Variants in BPIFC observed in about 807,000 individuals in gnomAD.
BPIFC encodes BPI fold containing family C, also known as BPI fold-containing family C protein.
In BPIFC, 60 loss-of-function variants were observed where a neutral mutation model predicts 57.6. That is an observed-to-expected ratio of 1.04 (90% CI 0.85 to 1.29). The LOEUF (loss-of-function observed/expected upper bound fraction) is 1.29, where lower values mean the gene tolerates loss of function less well. BPIFC is among the 50% of genes most tolerant of loss of function. The probability of loss-of-function intolerance (pLI) is 0.00; values close to 1 mark genes in which losing one functional copy is unlikely to be tolerated. For synonymous variants in BPIFC, 243 were observed against 224.5 expected (o/e 1.08, Z -0.74); for missense variants, 581 against 600.5 (o/e 0.97, Z 0.34).
intron 16 of BPIFC, 75 bp from the exon 17 acceptor site, chr22:32,414,500 A>G: frequency 6.6e-7 from 1 of 1,522,944 alleles, no homozygotes; most frequent in Non-Finnish European, 8.8e-7. Flanking sequence ...TGAGGAAGAG[A>G]TGGCTTCTTT....
intron 13 of BPIFC, among the ~76,000 whole-genome samples, chr22:32,430,156 G>A (rs914993381): frequency 6.6e-6 from 1 of 152,152 alleles, no homozygotes; most frequent in African/African-American, 2.4e-5. Flanking sequence ...ACAGGCCATG[G>A]GGAAGATCTT....
chr22:32,459,477 C>T (rs934067465), intron 2 of BPIFC, among the ~76,000 whole-genome samples: 3 of 151,954 alleles, frequency 2.0e-5, no homozygotes, highest in African/African-American at 4.8e-5. Flanking sequence ...TCCTGGCTAA[C>T]GTGGTGAAAT....
intron 2 of BPIFC, among the ~76,000 whole-genome samples, chr22:32,459,617 C>T (rs1398795953): frequency 2.0e-5 from 3 of 151,946 alleles, no homozygotes; most frequent in African/African-American, 4.8e-5. Context: ...GAGCCGAGAT[C>T]ATGCCACTGC....
In BPIFC at chr22:32,446,006, G is replaced by GA; in HGVS notation, c.375-11dup. 6.2e-7 allele frequency: 1 copy of GA among 1,613,702 alleles called. No homozygotes were observed. The highest frequency in any genetic ancestry group is 8.5e-7 in the Non-Finnish European group (1 of 1,179,786). On this transcript the variant is annotated splice_polypyrimidine_tract_variant and intron_variant, in intron 5 of 16. Transcript: ENST00000300399. ...CCCTCCTGTGTCTTGGCTGTTTAAA[G>GA]AAGTGCAAGGTTATCCAAGCCTGAG...
At chr22:32,418,652 A>G (rs562621213) in intron 14 of BPIFC, among the ~76,000 whole-genome samples, 1 of 152,294 alleles carries the variant, frequency 6.6e-6, no homozygotes, top group Admixed American at 6.5e-5. Flanking sequence ...GGGCTCAATA[A>G]GTATTTATCA....
intron 4 of BPIFC, among the ~76,000 whole-genome samples, chr22:32,449,176 C>T (rs1233432708): frequency 2.0e-5 from 3 of 152,162 alleles, no homozygotes; most frequent in South Asian, 2.1e-4. Flanking sequence ...CTCTTCACCA[C>T]GAGGCTATGC....
intron 1 of BPIFC, among the ~76,000 whole-genome samples, chr22:32,462,625 G>A (rs1280572002): frequency 2.6e-5 from 4 of 152,164 alleles, no homozygotes; most frequent in Non-Finnish European, 4.4e-5. Flanking sequence ...TAGACACGTG[G>A]ACATGGAGGC....
Position 32,453,476 on chromosome 22 carries a change from T to G in BPIFC, c.152A>C (p.Glu51Ala), listed in dbSNP as rs746808519. 2.4e-5 allele frequency: 38 copies of G among 1,602,536 alleles called. No individual in the cohort carries two copies. The highest frequency in any genetic ancestry group is 3.2e-5 in the Non-Finnish European group (38 of 1,176,992). The change falls in exon 4 of 17, where the codon GAG becomes GCG. Residue 51 changes from glutamate (E) to alanine (A), a missense_variant. Physicochemically the swap from Glu to Ala is moderately radical, Grantham distance 107. Coordinates refer to ENST00000300399, the MANE Select transcript of BPIFC (RefSeq NM_174932.3). Reference protein sequence around the residue: ...YGVQAGMKMIEQMLKEKKLPD... With the variant: ...YGVQAGMKMIAQMLKEKKLPD... ...GAGTTTCTTTTCTTTTAGCATTTGC[T>G]CAATCATCTTCATTCCAGCTTGAAC...
At chr22:32,432,303 G>C in intron 12 of BPIFC, 70 bp downstream of exon 12, 1 of 1,531,536 alleles carries the variant, frequency 6.5e-7, no homozygotes, top group Non-Finnish European at 8.9e-7. Context: ...TTTAAAAGCT[G>C]CTGGCCAACA....
chr22:32,456,529 G>C (rs1254139905), intron 3 of BPIFC, among the ~76,000 whole-genome samples: 1 of 148,440 alleles, frequency 6.7e-6, no homozygotes, highest in African/African-American at 2.5e-5. Flanking sequence ...GGCTTAGTTA[G>C]GTATTTCTTG....
Position 32,447,262 on chromosome 22 carries a change from G to A in BPIFC, c.324C>T (p.Asn108=), listed in dbSNP as rs1469654577. ...CTGTGCTGATGTTGGCAGTGCCATGGTTGGTTAGCGCTTTGATTCCCACTC... is the reference window on the plus strand; with the variant it reads ...CTGTGCTGATGTTGGCAGTGCCATGATTGGTTAGCGCTTTGATTCCCACTC... The part of the protein sequence containing the change: ...VPGVGIKALT[N]HGTANISTDW... Residue 108 remains asparagine (N), a synonymous_variant, in exon 5 of 17, where the codon AAC becomes AAT. Transcript: ENST00000300399. The A allele has an allele frequency of 2.5e-6, 4 of 1,613,976 alleles. No homozygotes were observed. The African/African-American group carries it at 5.3e-5, about 22-fold the overall frequency.
chr22:32,444,482 G>C (rs1165628122), intron 7 of BPIFC, among the ~76,000 whole-genome samples: 1 of 152,136 alleles, frequency 6.6e-6, no homozygotes, highest in African/African-American at 2.4e-5. Flanking sequence ...TTTTCCAGAA[G>C]AGTCTTCCTT....
At chr22:32,460,385 G>C (rs991010319) in intron 2 of BPIFC, among the ~76,000 whole-genome samples, 11 of 152,132 alleles carry the variant, frequency 7.2e-5, no homozygotes, top group Non-Finnish European at 1.3e-4. Context: ...TTACACAGGG[G>C]GCCTGTGCTC....
rs1935160517 is a variant in BPIFC, at chr22:32,461,556, C to T, written c.-1+18G>A. The T allele has an allele frequency of 3.0e-6, 3 of 983,702 alleles. No individual in the cohort carries two copies. Among genetic ancestry groups the T allele is most frequent in the Non-Finnish European group, 2.4e-6 (2 of 828,356 alleles). The allele number at this position is 983,702 out of a possible 1,614,324, so 60.9% of individuals were successfully genotyped here. ...GTGACAGTAACAGCATCTTAACACT[C>T]TGAATGGATGCATGTACCTCCTGCA... is the stretch of plus-strand genomic sequence containing the variant. On this transcript the variant is annotated intron_variant, in intron 2 of 16. Coordinates refer to ENST00000300399, the MANE Select transcript of BPIFC (RefSeq NM_174932.3).
intron 4 of BPIFC, among the ~76,000 whole-genome samples, chr22:32,451,268 T>C (rs1934888300): frequency 6.6e-6 from 1 of 152,238 alleles, no homozygotes; most frequent in Non-Finnish European, 1.5e-5. Context: ...TAATCCAGTC[T>C]ATCATAGTTG....
chr22:32,448,340 T>C (rs943113717), intron 4 of BPIFC, among the ~76,000 whole-genome samples: 6 of 152,108 alleles, frequency 3.9e-5, no homozygotes, highest in Non-Finnish European at 8.8e-5. Flanking sequence ...CCCAAAGTGC[T>C]GGGATTATAG....
intron 13 of BPIFC, 98 bp from the exon 14 acceptor site, chr22:32,419,502 A>G (rs1236235030): frequency 8.1e-7 from 1 of 1,239,364 alleles, no homozygotes; most frequent in African/African-American, 1.5e-5. Context: ...AAAAGTCACT[A>G]TTTAAAAAAA....
chr22:32,425,517 T>G (rs1016028978), intron 13 of BPIFC, among the ~76,000 whole-genome samples: 3 of 152,250 alleles, frequency 2.0e-5, no homozygotes, highest in Non-Finnish European at 4.4e-5. Flanking sequence ...GGAAATGATC[T>G]TGTACGATTG....
intron 5 of BPIFC, 70 bp downstream of exon 5, chr22:32,447,142 A>C: frequency 7.0e-7 from 1 of 1,435,902 alleles, no homozygotes; most frequent in Non-Finnish European, 9.2e-7. Context: ...AACATTGGTG[A>C]ATTTCTACAT....
Sources: allele counts gnomAD v4.1 joint callset (sites outside exome capture counted in the v4.1 genomes callset), GRCh38; gene constraint gnomAD v4.1.1; transcripts MANE v1.5; gene names NCBI Gene and HGNC (gene_info 2026-07-23, HGNC 2026-07-21).